The following MTTP variants were observed in gnomAD, a reference collection of about 807,000 sequenced individuals.
MTTP encodes microsomal triglyceride transfer protein.
A neutral mutation model predicts 90.6 loss-of-function variants in MTTP; 49 were observed. That is an observed-to-expected ratio of 0.54 (90% CI 0.43 to 0.69). The LOEUF (loss-of-function observed/expected upper bound fraction) is 0.69. Among genes scored for constraint, MTTP ranks in the 30% least tolerant of loss-of-function variants. The pLI, the probability that MTTP is intolerant of heterozygous loss-of-function variation, is 0.00. For missense variants in MTTP, 945 were observed against 1,067.5 expected, an observed-to-expected ratio of 0.89 and a Z score of 1.60; for synonymous variants, 347 against 384.2, an observed-to-expected ratio of 0.90 and a Z score of 1.13.
At chr4:99,564,167 A>G (rs1002647761) in exon 1 of MTTP, 16 of 1,535,582 alleles carry the variant, frequency 1.0e-5, no homozygotes, top group Non-Finnish European at 1.2e-5. Flanking sequence ...AGGTAGTTAC[A>G]GTGATGTCTG....
chr4:99,584,306 AAGC>A (rs1265871772), intron 3 of MTTP: 1 of 152,098 alleles, frequency 6.6e-6, no homozygotes, highest in Non-Finnish European at 1.5e-5. Flanking sequence ...TTAGGAACAA[AAGC>A]AGGAAAACAG....
intron 10 of MTTP, among the ~76,000 whole-genome samples, chr4:99,602,994 A>T (rs1725733429): frequency 6.6e-6 from 1 of 152,198 alleles, no homozygotes; most frequent in Non-Finnish European, 1.5e-5. Context: ...AGATGCAGCA[A>T]CGTTTTCTGT....
At chr4:99,606,225 G>A (rs1033109920) in intron 10 of MTTP, among the ~76,000 whole-genome samples, 1 of 152,134 alleles carries the variant, frequency 6.6e-6, no homozygotes, top group East Asian at 1.9e-4. Flanking sequence ...CTACCACATA[G>A]GAGGTACTGA....
At chr4:99,564,331 G>A in intron 1 of MTTP, 1 of 1,181,152 alleles carries the variant, frequency 8.5e-7, no homozygotes, top group South Asian at 1.6e-5. Flanking sequence ...GAAAATGAGA[G>A]AAAAACATCT....
chr4:99,579,862 A>G (rs1725060418), intron 1 of MTTP, among the ~76,000 whole-genome samples: 1 of 151,602 alleles, frequency 6.6e-6, no homozygotes, highest in Admixed American at 6.6e-5. Flanking sequence ...ACAAGGCAAA[A>G]CCCTATCTCT....
chr4:99,612,935 T>C lies in MTTP; in HGVS notation c.2012T>C (p.Leu671Pro). Residue 671 changes from leucine to proline, a missense_variant, in exon 15 of 18, where the codon CTG becomes CCG. By Grantham distance (98) the Leu-to-Pro change is moderately conservative. Coordinates refer to ENST00000265517, the MANE Select transcript of MTTP (RefSeq NM_001386140.1). ...GSQVVIEAQGLEALIAATPDE... is the reference protein window; with the variant it reads ...GSQVVIEAQGPEALIAATPDE... ...CAGGTGGTTATTGAAGCCCAAGGAC[T>C]GGAAGCCTTAATCGCAGCCACCCCT... 1 of 1,614,042 alleles carries C rather than the reference T, an allele frequency of 6.2e-7. No homozygotes were observed.
Position 99,601,601 on chromosome 4 carries a change from TA to T in MTTP, c.1237-4del, listed in dbSNP as rs1725700004. 2 of 1,595,408 alleles carry T rather than the reference TA, an allele frequency of 1.3e-6. No individual in the cohort carries two copies. Among genetic ancestry groups the T allele is most frequent in the Non-Finnish European group, 1.7e-6 (2 of 1,163,350 alleles). ...GTAACCTATTTTATCCCTGTTTGGT[TA>T]ATAGAGTAAGTTCAAAGGTTCTATT... On this transcript the variant is annotated splice_polypyrimidine_tract_variant and splice_region_variant and intron_variant, in intron 9 of 17. Coordinates refer to ENST00000265517, the MANE Select transcript of MTTP (RefSeq NM_001386140.1).
At chr4:99,569,288 A>G (rs1193164902) in intron 1 of MTTP, among the ~76,000 whole-genome samples, 1 of 152,092 alleles carries the variant, frequency 6.6e-6, no homozygotes, top group Non-Finnish European at 1.5e-5. Flanking sequence ...GTATCTGACC[A>G]TTTCTCCTCA....
At chr4:99,570,733 C>T (rs771181924), upstream of MTTP, 5 of 455,554 alleles carry the variant, frequency 1.1e-5, no homozygotes, top group South Asian at 7.8e-5. Context: ...ATTCATAAAA[C>T]GGAAGAGGGA....
intron 10 of MTTP, among the ~76,000 whole-genome samples, chr4:99,605,250 A>G (rs1027571122): frequency 1.3e-5 from 2 of 152,170 alleles, no homozygotes; most frequent in Non-Finnish European, 2.9e-5. Flanking sequence ...CATTAAAAAA[A>G]ATTTTTCTTT....
At chr4:99,572,497 T>C (rs976565651), upstream of MTTP, among the ~76,000 whole-genome samples, 1 of 152,094 alleles carries the variant, frequency 6.6e-6, no homozygotes, top group African/African-American at 2.4e-5. Context: ...AGGTTTATTT[T>C]TCTGTAGTCC....
chr4:99,600,785 A>C, intron 9 of MTTP, 52 bp downstream of exon 9: 1 of 1,555,364 alleles, frequency 6.4e-7, no homozygotes, highest in Non-Finnish European at 8.8e-7. Context: ...CTTCTTAAGA[A>C]TATTAACAGT....
chr4:99,575,932 C>A (rs1724947842), intron 1 of MTTP, among the ~76,000 whole-genome samples: 1 of 152,064 alleles, frequency 6.6e-6, no homozygotes, highest in Admixed American at 6.6e-5. Context: ...ATAAATGTGG[C>A]TTTTGATATT....
intron 15 of MTTP, among the ~76,000 whole-genome samples, chr4:99,614,814 T>C (rs1374046713): frequency 6.6e-6 from 1 of 152,214 alleles, no homozygotes; most frequent in African/African-American, 2.4e-5. Flanking sequence ...TACATGGCTA[T>C]CTCTAGCTGA....
Position 99,601,677 on chromosome 4 carries a change from T to TCAGAAAGTTGTGTCAGAATGAAGG in MTTP, c.1309_1332dup (p.Arg437_Gly444dup). 1 of 1,613,036 alleles carries TCAGAAAGTTGTGTCAGAATGAAGG rather than the reference T, an allele frequency of 6.2e-7. No homozygotes were observed. ...GTTATGATCATCACTGGGACACTTGTCAGAAAGTTGTGTCAGAATGAAGGC... is the reference window on the plus strand; with the variant it reads ...GTTATGATCATCACTGGGACACTTGTCAGAAAGTTGTGTCAGAATGAAGGCAGAAAGTTGTGTCAGAATGAAGGC... On this transcript the variant is annotated inframe_insertion, in exon 10 of 18. Coordinates refer to ENST00000265517, the MANE Select transcript of MTTP (RefSeq NM_001386140.1).
At chr4:99,572,554 T>A (rs893723035), upstream of MTTP, among the ~76,000 whole-genome samples, 1 of 152,046 alleles carries the variant, frequency 6.6e-6, no homozygotes, top group Admixed American at 6.6e-5. Flanking sequence ...TTCTAATATG[T>A]CAAATGACTG....
At chr4:99,576,815 T>G (rs1724975949) in intron 1 of MTTP, among the ~76,000 whole-genome samples, 3 of 152,104 alleles carry the variant, frequency 2.0e-5, no homozygotes, top group Admixed American at 2.0e-4. Flanking sequence ...CAGTTTATTG[T>G]AAACAAGCTT....
intron 15 of MTTP, among the ~76,000 whole-genome samples, chr4:99,616,375 G>A (rs1057324332): frequency 3.3e-5 from 5 of 152,098 alleles, no homozygotes; most frequent in Non-Finnish European, 5.9e-5. Context: ...ACTCCAGCCC[G>A]GGTGACAGAG....
At chr4:99,567,493 CAG>C (rs1724731010) in intron 1 of MTTP, among the ~76,000 whole-genome samples, 2 of 152,238 alleles carry the variant, frequency 1.3e-5, no homozygotes, top group East Asian at 1.9e-4. Context: ...CACTAAAAAA[CAG>C]AGGAAACCAA....
Sources: allele counts gnomAD v4.1 joint callset (sites outside exome capture counted in the v4.1 genomes callset), GRCh38; gene constraint gnomAD v4.1.1; transcripts MANE v1.5; gene names NCBI Gene and HGNC (gene_info 2026-07-23, HGNC 2026-07-21).